The following SCN8A variants were observed in gnomAD, a reference collection of about 807,000 sequenced individuals.
The protein encoded by SCN8A is sodium channel protein type 8 subunit alpha.
Under a neutral mutation model 184.1 loss-of-function variants are expected in SCN8A, and 30 were observed. The ratio of observed to expected loss-of-function variants is 0.16; its 90% CI spans 0.12 to 0.22. The LOEUF (loss-of-function observed/expected upper bound fraction) is 0.22. Ranked by LOEUF, SCN8A falls within the 10% of genes least tolerant of loss-of-function variation. SCN8A has a pLI of 1.00. For synonymous variants in SCN8A, 852 were observed against 907.0 expected (o/e 0.94, Z 1.09); for missense variants, 1,057 against 2,498.9 (o/e 0.42, Z 12.30).
At chr12:51,623,748 A>G (rs1402414321) in intron 1 of SCN8A, among the ~76,000 whole-genome samples, 4 of 152,090 alleles carry the variant, frequency 2.6e-5, no homozygotes, top group Non-Finnish European at 4.4e-5. Flanking sequence ...ATATCTTCTA[A>G]TGCTATCCCT....
chr12:51,788,385 C>T (rs1454689587), intron 22 of SCN8A: 1 of 185,990 alleles, frequency 5.4e-6, no homozygotes, highest in Non-Finnish European at 1.1e-5. Context: ...AGATTCCTGC[C>T]ATTCACTCAT....
intron 11 of SCN8A, among the ~76,000 whole-genome samples, chr12:51,714,280 A>G (rs1467363783): frequency 6.6e-6 from 1 of 152,248 alleles, no homozygotes; most frequent in Admixed American, 6.5e-5. Context: ...GTACTCTGTT[A>G]TAGTAAAATC....
intron 1 of SCN8A, among the ~76,000 whole-genome samples, chr12:51,657,002 C>G (rs1412005211): frequency 6.6e-6 from 1 of 152,022 alleles, no homozygotes; most frequent in African/African-American, 2.4e-5. Flanking sequence ...CAATTCCACT[C>G]CTAGGTATAG....
chr12:51,615,468 A>G (rs1307165698), intron 1 of SCN8A, among the ~76,000 whole-genome samples: 1 of 152,140 alleles, frequency 6.6e-6, no homozygotes, highest in Non-Finnish European at 1.5e-5. Context: ...GTGAAGGATT[A>G]CTTGAGCCTG....
At chr12:51,683,231 A>G (rs1941365358) in intron 2 of SCN8A, among the ~76,000 whole-genome samples, 1 of 152,244 alleles carries the variant, frequency 6.6e-6, no homozygotes. Flanking sequence ...CCTGGTAATT[A>G]GCACAATGCT....
intron 26 of SCN8A, among the ~76,000 whole-genome samples, chr12:51,803,818 A>T (rs1035361911): frequency 2.0e-5 from 3 of 152,148 alleles, no homozygotes; most frequent in African/African-American, 7.2e-5. Context: ...TGAAGGCTCA[A>T]ATATCCCATG....
intron 1 of SCN8A, among the ~76,000 whole-genome samples, chr12:51,596,868 C>G (rs1565852215): frequency 6.6e-6 from 1 of 151,890 alleles, no homozygotes; most frequent in Non-Finnish European, 1.5e-5. Context: ...CCATTGCCAA[C>G]CTAGGTTGTA....
chr12:51,781,581 A>G (rs1183036327), intron 21 of SCN8A, among the ~76,000 whole-genome samples: 1 of 152,130 alleles, frequency 6.6e-6, no homozygotes, highest in Non-Finnish European at 1.5e-5. Context: ...ACTTAGAAAC[A>G]AGGTGCCTTC....
chr12:51,681,215 C>A (rs1241965927), intron 2 of SCN8A, among the ~76,000 whole-genome samples: 1 of 152,124 alleles, frequency 6.6e-6, no homozygotes, highest in Non-Finnish European at 1.5e-5. Flanking sequence ...CCCACACCAA[C>A]TTCATTCTTT....
In SCN8A at chr12:51,624,652, G is replaced by A. The variant is rs368781952; in HGVS notation, c.-55+33293G>A. Among the ~76,000 whole-genome samples the A allele has an allele frequency of 8.4e-3, 1,282 of 151,868 alleles. 7 individuals carry two copies. The highest frequency in any genetic ancestry group is 0.027 in the Middle Eastern group (8 of 292). On this transcript the variant is annotated intron_variant, in intron 1 of 26. Transcript: ENST00000627620. Reference sequence around the variant, plus strand: ...TTTGTCAATTTTGGCTTTTGTTGCCGTTGCTTTTGGTGTTTTAGACATGAA... The same window carrying A: ...TTTGTCAATTTTGGCTTTTGTTGCCATTGCTTTTGGTGTTTTAGACATGAA...
chr12:51,638,474 G>T (rs940236756), intron 1 of SCN8A, among the ~76,000 whole-genome samples: 1 of 151,282 alleles, frequency 6.6e-6, no homozygotes, highest in Non-Finnish European at 1.5e-5. Context: ...ACAGGAGTTT[G>T]AAAGGAGTTA....
chr12:51,628,503 G>T (rs1460623806), intron 1 of SCN8A, among the ~76,000 whole-genome samples: 1 of 152,162 alleles, frequency 6.6e-6, no homozygotes, highest in African/African-American at 2.4e-5. Flanking sequence ...TTATGGAGAT[G>T]TGCCAAAGTT....
chr12:51,732,741 C>T (rs778934144), intron 12 of SCN8A, among the ~76,000 whole-genome samples: 25 of 152,000 alleles, frequency 1.6e-4, no homozygotes, highest in African/African-American at 4.6e-4. Flanking sequence ...CAATTTCTTT[C>T]GTCAGTGTTT....
chr12:51,762,684 A>G lies in SCN8A; in HGVS notation c.2544+8A>G, dbSNP rs1414249172. ...CTGCGATCTTTCCGATTGGTATTCC[A>G]TATTTCTCCAATTTCTTTTAACATT... On this transcript the variant is annotated splice_region_variant and intron_variant, in intron 15 of 26. Transcript: ENST00000627620. 7.7e-6 allele frequency: 12 copies of G among 1,560,992 alleles called. No homozygotes were observed. The highest frequency in any genetic ancestry group is 1.0e-5 in the Non-Finnish European group (12 of 1,163,964).
intron 1 of SCN8A, among the ~76,000 whole-genome samples, chr12:51,630,788 AT>A (rs916100913): frequency 6.6e-6 from 1 of 151,836 alleles, no homozygotes; most frequent in African/African-American, 2.4e-5. Flanking sequence ...AGACTAATGA[AT>A]TTTTTTTCCT....
chr12:51,681,833 A>T (rs1235099584), intron 2 of SCN8A, among the ~76,000 whole-genome samples: 4 of 152,214 alleles, frequency 2.6e-5, no homozygotes, highest in Non-Finnish European at 5.9e-5. Context: ...TTTAAAAAAC[A>T]TCACTAATAC....
At chr12:51,759,233 A>C (rs1942727880) in intron 14 of SCN8A, among the ~76,000 whole-genome samples, 3 of 151,398 alleles carry the variant, frequency 2.0e-5, no homozygotes, top group Admixed American at 2.0e-4. Flanking sequence ...ATATATATAT[A>C]AATGAAAATA....
intron 1 of SCN8A, among the ~76,000 whole-genome samples, chr12:51,636,611 G>A (rs1940324089): frequency 1.3e-5 from 2 of 152,144 alleles, no homozygotes; most frequent in African/African-American, 2.4e-5. Context: ...CCTCAAAACC[G>A]CTGGGTCTGT....
chr12:51,692,510 G>GT, intron 6 of SCN8A, among the ~76,000 whole-genome samples: 1 of 152,218 alleles, frequency 6.6e-6, no homozygotes, highest in African/African-American at 2.4e-5. Flanking sequence ...TATGCTTTCC[G>GT]TTTTGCTCCA....
Sources: gnomAD v4.1 joint callset for allele counts (sites outside exome capture counted in the v4.1 genomes callset) on GRCh38, gnomAD v4.1.1 for gene constraint, MANE v1.5 for transcripts, NCBI Gene and HGNC (gene_info 2026-07-23, HGNC 2026-07-21) for gene names.